The following CAPN9 variants were observed in gnomAD, a reference collection of about 807,000 sequenced individuals.
CAPN9 encodes calpain-9.
CAPN9 carries 81 observed loss-of-function variants against 92.8 expected under a neutral mutation model. The observed-to-expected ratio is 0.87, with a 90% confidence interval of 0.73 to 1.05. The LOEUF is 1.05. Among genes scored for constraint, CAPN9 ranks in the 50% least tolerant of loss-of-function variants. CAPN9 has a pLI of 0.00. For synonymous variants in CAPN9, 304 were observed against 328.0 expected, an observed-to-expected ratio of 0.93 and a Z score of 0.79; for missense variants, 848 against 866.2, an observed-to-expected ratio of 0.98 and a Z score of 0.26.
At chr1:230,773,573 A>G (rs3790976) in intron 7 of CAPN9, among the ~76,000 whole-genome samples, 49,163 of 152,094 alleles carry the variant, frequency 0.32, 8,249 homozygotes, top group South Asian at 0.48. Context: ...GGCAGGCGCC[A>G]TCCCGACTCC....
chr1:230,764,910 T>C (rs776979329), intron 4 of CAPN9, among the ~76,000 whole-genome samples: 3 of 152,138 alleles, frequency 2.0e-5, no homozygotes, highest in Non-Finnish European at 4.4e-5. Context: ...TGTACATGGG[T>C]TATCATACAC....
chr1:230,756,357 A>T (rs955748895), intron 2 of CAPN9, among the ~76,000 whole-genome samples: 1 of 152,236 alleles, frequency 6.6e-6, no homozygotes, highest in African/African-American at 2.4e-5. Context: ...AGAAACATAG[A>T]TAATAAGTAA....
intron 1 of CAPN9, among the ~76,000 whole-genome samples, chr1:230,754,793 T>A (rs1665119781): frequency 1.3e-5 from 2 of 152,146 alleles, no homozygotes; most frequent in Admixed American, 6.5e-5. Flanking sequence ...CCAGCCTGGG[T>A]GACACAGCAA....
intron 1 of CAPN9, among the ~76,000 whole-genome samples, chr1:230,754,218 TGTC>T (rs756357722): frequency 1.4e-4 from 22 of 152,238 alleles, no homozygotes; most frequent in Non-Finnish European, 2.8e-4. Context: ...CTCTCTTTGT[TGTC>T]GTCCAATGTC....
rs377009492 is a variant in CAPN9, at chr1:230,755,383, C to T, written c.260C>T (p.Thr87Ile). The T allele has an allele frequency of 1.3e-4, 214 of 1,608,582 alleles. No individual in the cohort carries two copies. Among genetic ancestry groups the T allele is most frequent in the Non-Finnish European group, 1.7e-4 (205 of 1,177,836 alleles). The change falls in exon 2 of 20, where the codon ACT becomes ATT. Residue 87 changes from threonine to isoleucine, a missense_variant. By Grantham distance (89) the Thr-to-Ile change is moderately conservative. Transcript: ENST00000271971. ...PEFILGGATRTDICQGELGDC... is the reference protein window; with the variant it reads ...PEFILGGATRIDICQGELGDC... ...TTCATTCTTGGAGGGGCCACCAGGA[C>T]TGATATCTGCCAGGGAGAGCTGGGT...
intron 4 of CAPN9, among the ~76,000 whole-genome samples, chr1:230,763,254 T>C (rs1665760294): frequency 6.6e-6 from 1 of 152,238 alleles, no homozygotes; most frequent in Non-Finnish European, 1.5e-5. Flanking sequence ...ATAAAATGTA[T>C]ATGACATAAA....
chr1:230,758,061 C>G, intron 2 of CAPN9, among the ~76,000 whole-genome samples: 1 of 152,186 alleles, frequency 6.6e-6, no homozygotes, highest in Non-Finnish European at 1.5e-5. Flanking sequence ...TCCATCTGCC[C>G]AGGCCCAAGA....
chr1:230,795,918 T>C (rs529031825), intron 18 of CAPN9, among the ~76,000 whole-genome samples: 29 of 152,070 alleles, frequency 1.9e-4, no homozygotes, highest in Admixed American at 1.8e-3. Flanking sequence ...GGCGTTTCCA[T>C]CTTGAAAGTC....
In CAPN9 at chr1:230,747,517, C is replaced by A; in HGVS notation, c.21C>A (p.Ala7=). 3 of 1,614,128 alleles carry A rather than the reference C, an allele frequency of 1.9e-6. No homozygotes were observed. Among genetic ancestry groups the A allele is most frequent in the Non-Finnish European group, 2.5e-6 (3 of 1,180,030 alleles). Residue 7 remains alanine, a synonymous_variant, in exon 1 of 20, where the codon GCC becomes GCA. Transcript: ENST00000271971. MPYLYR[A]PGPQAHPVPK... is the part of the protein sequence containing the mutation. Reference sequence around the variant, plus strand: ...CAGCCATGCCTTACCTCTACCGGGCCCCAGGGCCTCAGGCACACCCGGTTC... The same window carrying A: ...CAGCCATGCCTTACCTCTACCGGGCACCAGGGCCTCAGGCACACCCGGTTC...
intron 13 of CAPN9, 122 bp downstream of exon 13, chr1:230,787,724 C>A (rs953477108): frequency 1.3e-6 from 1 of 783,672 alleles, no homozygotes; most frequent in East Asian, 2.5e-5. Flanking sequence ...GAGCTTGTTG[C>A]AAAGTAAGAC....
At position 230,771,566 on chromosome 1, in the gene CAPN9, C is replaced by CT. The variant is rs1666387978; in HGVS notation, c.790-447dup. Among the ~76,000 whole-genome samples the CT allele has an allele frequency of 2.0e-5, 3 of 152,298 alleles. No individual in the cohort carries two copies. In the South Asian group the frequency reaches 6.2e-4, roughly 32 times the overall value. On this transcript the variant is annotated intron_variant, in intron 6 of 19. Transcript: ENST00000271971. ...TTATCATTCATCTGTGCATGGGATG[C>CT]TAGGATGAAGAAAGTTCAGTAATAG...
At chr1:230,760,818 G>T (rs1665585994) in intron 3 of CAPN9, among the ~76,000 whole-genome samples, 1 of 152,160 alleles carries the variant, frequency 6.6e-6, no homozygotes, top group African/African-American at 2.4e-5. Context: ...AGTGTTGGGG[G>T]TGGTTAAGCT....
At position 230,772,109 on chromosome 1, in the gene CAPN9, C is replaced by A. The variant is rs1469475531; in HGVS notation, c.875+10C>A. The A allele has an allele frequency of 6.2e-7, 1 of 1,612,302 alleles. No individual in the cohort carries two copies. The highest frequency in any genetic ancestry group is 8.5e-7 in the Non-Finnish European group (1 of 1,178,566). ...GGTCGTGGAGCGACAGGTCAGTCACCCTATCCTGCCTCTCTGGCTGGTTCC... is the reference window on the plus strand; with the variant it reads ...GGTCGTGGAGCGACAGGTCAGTCACACTATCCTGCCTCTCTGGCTGGTTCC... On this transcript the variant is annotated intron_variant, in intron 7 of 19. Transcript: ENST00000271971.
At chr1:230,756,218 T>C (rs1572015435) in intron 2 of CAPN9, among the ~76,000 whole-genome samples, 2 of 152,242 alleles carry the variant, frequency 1.3e-5, no homozygotes, top group East Asian at 1.9e-4. Context: ...GGAACCTCCA[T>C]GCTGAGCAAC....
chr1:230,771,448 G>A (rs1382207795), intron 6 of CAPN9, among the ~76,000 whole-genome samples: 1 of 152,248 alleles, frequency 6.6e-6, no homozygotes, highest in Admixed American at 6.5e-5. Flanking sequence ...AATCCTCACA[G>A]ACACCTGAAA....
chr1:230,799,337 GA>G (rs2102945477), intron 19 of CAPN9, among the ~76,000 whole-genome samples: 1 of 152,290 alleles, frequency 6.6e-6, no homozygotes, highest in East Asian at 1.9e-4. Context: ...TACAGAAAGA[GA>G]CATAGGCCTT....
At chr1:230,784,727 G>A (rs1376960195) in intron 11 of CAPN9, among the ~76,000 whole-genome samples, 1 of 152,252 alleles carries the variant, frequency 6.6e-6, no homozygotes, top group Non-Finnish European at 1.5e-5. Context: ...CAGGGACAGA[G>A]CCCTCACAGA....
chr1:230,766,038 G>A (rs12562240), intron 4 of CAPN9, among the ~76,000 whole-genome samples: 1 of 152,078 alleles, frequency 6.6e-6, no homozygotes, highest in Non-Finnish European at 1.5e-5. Flanking sequence ...GATGAGAGGG[G>A]AGCTTTACCT....
intron 13 of CAPN9, 84 bp from the exon 14 acceptor site, chr1:230,790,048 A>T: frequency 8.6e-7 from 1 of 1,165,430 alleles, no homozygotes; most frequent in Non-Finnish European, 1.3e-6. Context: ...GAGCCAAATG[A>T]AGCTCAGAAC....
Sources: gnomAD v4.1 joint callset for allele counts (sites outside exome capture counted in the v4.1 genomes callset) on GRCh38, gnomAD v4.1.1 for gene constraint, MANE v1.5 for transcripts, NCBI Gene and HGNC (gene_info 2026-07-23, HGNC 2026-07-21) for gene names.